Variants in AFAP1L2 observed in about 807,000 individuals in gnomAD.
AFAP1L2 encodes the protein actin filament associated protein 1 like 2.
AFAP1L2 carries 46 observed loss-of-function variants against 99.3 expected under a neutral mutation model. That is an observed-to-expected ratio of 0.46 (90% CI 0.37 to 0.59). The LOEUF is 0.59. Ranked by LOEUF, AFAP1L2 falls within the 20% of genes least tolerant of loss-of-function variation. The pLI, the probability that AFAP1L2 is intolerant of heterozygous loss-of-function variation, is 0.00. For synonymous variants in AFAP1L2, 397 were observed against 419.1 expected (o/e 0.95, Z 0.64); for missense variants, 959 against 1,034.9 (o/e 0.93, Z 1.01).
chr10:114,294,987 G>GATAATAGATGAA lies in AFAP1L2; in HGVS notation c.*1043_*1054dup. 1 of 940,380 alleles carries GATAATAGATGAA rather than the reference G, an allele frequency of 1.1e-6. No homozygotes were observed. 58.3% of individuals were successfully genotyped at this position (940,380 alleles called of 1,614,324 possible). On this transcript the variant is annotated 3_prime_UTR_variant, in exon 19 of 19. Transcript: ENST00000304129. ...CACAACCCTCCAGAAATGAGGCAGAGATAATAGATGAAATGTTTCAACCTG... is the reference window on the plus strand; with the variant it reads ...CACAACCCTCCAGAAATGAGGCAGAGATAATAGATGAAATAATAGATGAAATGTTTCAACCTG...
intron 6 of AFAP1L2, 129 bp from the exon 7 acceptor site, chr10:114,314,179 G>T (rs542854749): frequency 3.5e-6 from 3 of 854,002 alleles, no homozygotes; most frequent in East Asian, 2.6e-5. Context: ...AGACTAAGAG[G>T]CTGGACACCC....
chr10:114,366,561 C>A lies in AFAP1L2; in HGVS notation c.17-25830G>T, dbSNP rs528965388. Among the ~76,000 whole-genome samples, 5 of 152,266 alleles carry A rather than the reference C, an allele frequency of 3.3e-5. No individual in the cohort carries two copies. In the East Asian group the frequency reaches 9.7e-4, roughly 29 times the overall value. On this transcript the variant is annotated intron_variant, in intron 1 of 18. Transcript: ENST00000304129. ...GAATATGAAATGGAGCTCCACCTTT[C>A]GAGGCAGTCAAAGAAGGGAGGTAAA...
At chr10:114,331,183 T>C (rs528840142) in intron 4 of AFAP1L2, among the ~76,000 whole-genome samples, 38 of 152,230 alleles carry the variant, frequency 2.5e-4, no homozygotes, top group Admixed American at 7.2e-4. Context: ...TAAGAACTAC[T>C]GGTAAGGTTC....
chr10:114,310,429 C>T lies in AFAP1L2; in HGVS notation c.807G>A (p.Val269=), dbSNP rs1564825008. ...AEQWLRVIQE[V]SGLPSEGASE... ...ATGCTCCTTCGGAAGGCAGGCCGCT[C>T]ACTTCCTGGATGACCTGAGGCAAGA... The change falls in exon 8 of 19, where the codon GTG becomes GTA. Residue 269 remains valine (V), a synonymous_variant. Transcript: ENST00000304129. The T allele has an allele frequency of 6.2e-7, 1 of 1,613,858 alleles. No individual in the cohort carries two copies.
chr10:114,349,897 T>C (rs1391512362), intron 1 of AFAP1L2, among the ~76,000 whole-genome samples: 2 of 152,178 alleles, frequency 1.3e-5, no homozygotes, highest in African/African-American at 4.8e-5. Flanking sequence ...TTGCCATCAT[T>C]TTTGCAAGAT....
At chr10:114,290,123 G>T, downstream of AFAP1L2, 1 of 1,391,976 alleles carries the variant, frequency 7.2e-7, no homozygotes, top group Non-Finnish European at 9.7e-7. Context: ...AGCTACCGGG[G>T]CAAAGGGAGA....
the AFAP1L2 span, chr10:114,286,458 TGTTCAA>T: frequency 6.2e-7 from 1 of 1,606,524 alleles, no homozygotes; most frequent in Non-Finnish European, 8.5e-7. Flanking sequence ...CCTCAGGATC[TGTTCAA>T]CCAAATCCCT....
chr10:114,289,075 G>T, the AFAP1L2 span: 242 of 1,614,186 alleles, frequency 1.5e-4, 1 homozygote, highest in Admixed American at 3.9e-3. Context: ...CGTGACACAG[G>T]TCGGCCTGGT....
chr10:114,331,828 A>G lies in AFAP1L2; in HGVS notation c.290T>C (p.Leu97Pro), dbSNP rs2047283785. ...SQHSSAPQKS[L>P]PDLPPPKMIP... ...CATCTTGGGTGGCGGGAGGTCTGGA[A>G]GGCTCTTCTGAGGGGCCGAGGAGTG... is the stretch of plus-strand genomic sequence containing the variant. The change falls in exon 4 of 19, where the codon CTT (leucine) becomes CCT (proline). Residue 97 changes from leucine (L) to proline (P), a missense_variant. Leu to Pro is a moderately conservative substitution (Grantham distance 98). Transcript: ENST00000304129. 1 of 1,395,670 alleles carries G rather than the reference A, an allele frequency of 7.2e-7. No individual in the cohort carries two copies. Among genetic ancestry groups the G allele is most frequent in the South Asian group, 1.7e-5 (1 of 58,140 alleles). 86.5% of individuals were successfully genotyped at this position (1,395,670 alleles called of 1,614,324 possible). A position where few individuals can be genotyped will look rare whatever the true frequency, so the allele number is the denominator to read the frequency against.
At chr10:114,305,147 A>C (rs1421786480) in intron 10 of AFAP1L2, 1 of 312,048 alleles carries the variant, frequency 3.2e-6, no homozygotes, top group East Asian at 7.5e-5. Flanking sequence ...GCAGGAGGGG[A>C]CTGGGCTGCA....
At chr10:114,386,696 A>C (rs2056546629) in intron 1 of AFAP1L2, among the ~76,000 whole-genome samples, 2 of 152,202 alleles carry the variant, frequency 1.3e-5, no homozygotes, top group African/African-American at 4.8e-5. Context: ...CCTTAGGCCC[A>C]GCAGGCCCTC....
intron 2 of AFAP1L2, among the ~76,000 whole-genome samples, chr10:114,333,931 A>T (rs2047570466): frequency 6.6e-6 from 1 of 152,196 alleles, no homozygotes; most frequent in Non-Finnish European, 1.5e-5. Flanking sequence ...ATTTCCTGTC[A>T]TTCTCACCCT....
chr10:114,304,072 C>T (rs1214790403), intron 11 of AFAP1L2, among the ~76,000 whole-genome samples: 1 of 152,188 alleles, frequency 6.6e-6, no homozygotes, highest in Non-Finnish European at 1.5e-5. Context: ...ATATAAGCTA[C>T]AAGCTGGACC....
At chr10:114,327,173 A>ATATATATATATATATATTT (rs1491191152) in intron 4 of AFAP1L2, among the ~76,000 whole-genome samples, 8 of 18,700 alleles carry the variant, frequency 4.3e-4, no homozygotes, top group African/African-American at 8.0e-4. Context: ...ATATATATAT[A>ATATATATATATATATATTT]TTTTTTTTTT....
At chr10:114,332,180 C>G (rs1212186573) in intron 3 of AFAP1L2, among the ~76,000 whole-genome samples, 2 of 152,222 alleles carry the variant, frequency 1.3e-5, no homozygotes, top group African/African-American at 4.8e-5. Context: ...CTTTGGCCAG[C>G]AGAGAAGCTG....
At chr10:114,331,450 T>C (rs912652147) in intron 4 of AFAP1L2, among the ~76,000 whole-genome samples, 2 of 152,154 alleles carry the variant, frequency 1.3e-5, no homozygotes, top group African/African-American at 4.8e-5. Flanking sequence ...TATGCACCAC[T>C]GCACCTGGCT....
At chr10:114,283,747 T>C in the AFAP1L2 span, among the ~76,000 whole-genome samples, 1 of 152,354 alleles carries the variant, frequency 6.6e-6, no homozygotes, top group East Asian at 1.9e-4. Context: ...TGGCACATAA[T>C]AGATGCTCAG....
intron 1 of AFAP1L2, among the ~76,000 whole-genome samples, chr10:114,382,295 A>G (rs1469845381): frequency 3.7e-5 from 1 of 27,372 alleles, no homozygotes; most frequent in African/African-American, 9.2e-5. Flanking sequence ...TAAAGGAAAG[A>G]CAGCAGAAGT....
intron 6 of AFAP1L2, among the ~76,000 whole-genome samples, chr10:114,314,867 G>T (rs566082267): frequency 2.0e-5 from 3 of 152,186 alleles, no homozygotes; most frequent in Non-Finnish European, 2.9e-5. Context: ...CCAGGGCTGG[G>T]CGCAGTGGCT....
Sources: gnomAD v4.1 joint callset for allele counts (sites outside exome capture counted in the v4.1 genomes callset) on GRCh38, gnomAD v4.1.1 for gene constraint, MANE v1.5 for transcripts, NCBI Gene and HGNC (gene_info 2026-07-23, HGNC 2026-07-21) for gene names.